Variants in HECTD4 observed in about 807,000 individuals in gnomAD.
HECTD4 encodes HECT domain E3 ubiquitin protein ligase 4.
Under a neutral mutation model 471.5 loss-of-function variants are expected in HECTD4, and 114 were observed. The observed-to-expected ratio is 0.24, with a 90% confidence interval of 0.21 to 0.28. HECTD4 has a LOEUF of 0.28. HECTD4 is among the 10% of genes least tolerant of loss of function. The pLI, the probability that HECTD4 is intolerant of heterozygous loss-of-function variation, is 1.00. For synonymous variants in HECTD4, 2,012 were observed against 2,256.0 expected (o/e 0.89, Z 3.07); for missense variants, 3,866 against 5,651.5 (o/e 0.68, Z 10.13).
intron 1 of HECTD4, among the ~76,000 whole-genome samples, chr12:112,378,659 G>A (rs954100726): frequency 3.9e-5 from 6 of 152,106 alleles, no homozygotes; most frequent in African/African-American, 1.4e-4. Context: ...GTGGAAAATG[G>A]CCATTATTCA....
intron 1 of HECTD4, among the ~76,000 whole-genome samples, chr12:112,336,807 A>G (rs1055464208): frequency 9.2e-4 from 140 of 152,300 alleles, no homozygotes; most frequent in African/African-American, 3.3e-3. Context: ...GAACTTGCTG[A>G]TGGGTACATA....
Position 112,162,262 on chromosome 12 carries a change from G to T in HECTD4, c.*125C>A. 8.8e-7 allele frequency: 1 copy of T among 1,131,256 alleles called. No individual in the cohort carries two copies. The highest frequency in any genetic ancestry group is 1.3e-6 in the Non-Finnish European group (1 of 780,828). The allele number at this position is 1,131,256 out of a possible 1,614,324, so 70.1% of individuals were successfully genotyped here. ...AGGAGGCCCTGGAATGTGGACGAAAGTTTGGAAAAGCAAAATGTTGCCAAC... is the reference window on the plus strand; with the variant it reads ...AGGAGGCCCTGGAATGTGGACGAAATTTTGGAAAAGCAAAATGTTGCCAAC... On this transcript the variant is annotated 3_prime_UTR_variant, in exon 76 of 76. Transcript: ENST00000682272. This position sits in a 1 kb window ranked among gnomAD's most constrained non-coding sequence, Gnocchi z 5.2.
intron 1 of HECTD4, chr12:112,322,029 G>C (rs1566111116): frequency 1.3e-5 from 2 of 151,218 alleles, no homozygotes; most frequent in Non-Finnish European, 2.9e-5. Context: ...CCAGGAGTTC[G>C]AGGCTGTAGT....
rs961174165 is a variant in HECTD4, at chr12:112,162,876, T to C, written c.13120+166A>G. 8.1e-6 allele frequency: 5 copies of C among 615,880 alleles called. No homozygotes were observed. Among genetic ancestry groups the C allele is most frequent in the Non-Finnish European group, 1.4e-5 (5 of 348,450 alleles). The allele number at this position is 615,880 out of a possible 1,614,324, so 38.2% of individuals were successfully genotyped here. A position where few individuals can be genotyped will look rare whatever the true frequency, so the allele number is the denominator to read the frequency against. ...ATGAGAAAGTATCTAACAGCAGGCC[T>C]GTATGGCTGGTTCCTGCCGGGCCCT... On this transcript the variant is annotated intron_variant, in intron 75 of 75. Transcript: ENST00000682272. This position sits in a 1 kb window ranked among gnomAD's most constrained non-coding sequence, Gnocchi z 5.2.
intron 1 of HECTD4, among the ~76,000 whole-genome samples, chr12:112,380,620 C>A (rs942046127): frequency 6.6e-6 from 1 of 152,046 alleles, no homozygotes; most frequent in African/African-American, 2.4e-5. Flanking sequence ...AAATGAGACA[C>A]AATAAAACGA....
Position 112,239,316 on chromosome 12 carries a change from C to A in HECTD4, c.5106-80G>T. Reference sequence around the variant, plus strand: ...AACTCTCATGTGAGGTTCAAAGGGGCATAAAACATGCTGGTGCAGCTCTTT... The same window carrying A: ...AACTCTCATGTGAGGTTCAAAGGGGAATAAAACATGCTGGTGCAGCTCTTT... On this transcript the variant is annotated intron_variant, in intron 33 of 75. Transcript: ENST00000682272. This position sits in a 1 kb window ranked among gnomAD's most constrained non-coding sequence, Gnocchi z 4.9. 8.1e-7 allele frequency: 1 copy of A among 1,239,062 alleles called. No individual in the cohort carries two copies. Among genetic ancestry groups the A allele is most frequent in the Non-Finnish European group, 1.1e-6 (1 of 903,258 alleles). 76.8% of individuals were successfully genotyped at this position (1,239,062 alleles called of 1,614,324 possible). A position where few individuals can be genotyped will look rare whatever the true frequency, so the allele number is the denominator to read the frequency against.
rs143137744 is a variant in HECTD4, at chr12:112,353,028, T to C, written c.177+28924A>G. 8.5e-5 allele frequency among the ~76,000 whole-genome samples: 13 copies of C among 152,346 alleles called. No individual in the cohort carries two copies. In the East Asian group the frequency reaches 2.5e-3, roughly 29 times the overall value. On this transcript the variant is annotated intron_variant, in intron 1 of 75. Coordinates refer to ENST00000682272, the MANE Select transcript of HECTD4 (RefSeq NM_001388303.1). ...GCCAAAAGGCTAGAAGCATCATTGA[T>C]TTCCTGTTAGCAAACATCCATAACA... is the stretch of plus-strand genomic sequence containing the variant.
Position 112,195,000 on chromosome 12 carries a change from G to A in HECTD4, c.8634C>T (p.Phe2878=), listed in dbSNP as rs1168253720. The change falls in exon 56 of 76, where the codon TTC becomes TTT. Residue 2878 remains phenylalanine, a synonymous_variant. Transcript: ENST00000682272. This position sits in a 1 kb window ranked among gnomAD's most constrained non-coding sequence, Gnocchi z 4.6. ...LYCRMALLNI[F]APKLPHLFTR... ...TGAACAAGTGAGGCAACTTCGGGGC[G>A]AAGATATTGAGCAGGGCCATGCGGC... 11 of 1,611,070 alleles carry A rather than the reference G, an allele frequency of 6.8e-6. No homozygotes were observed. Among genetic ancestry groups the A allele is most frequent in the Admixed American group, 1.7e-5 (1 of 59,612 alleles).
chr12:112,372,421 G>A (rs898285087), intron 1 of HECTD4, among the ~76,000 whole-genome samples: 8 of 151,428 alleles, frequency 5.3e-5, no homozygotes, highest in Admixed American at 1.3e-4. Context: ...CACCATGCCC[G>A]GCTAATTTTT....
rs754419594 is a variant in HECTD4, at chr12:112,243,808, G to T, written c.4650-47C>A. The T allele has an allele frequency of 6.2e-7, 1 of 1,609,922 alleles. No individual in the cohort carries two copies. Among genetic ancestry groups the T allele is most frequent in the Non-Finnish European group, 8.5e-7 (1 of 1,176,706 alleles). On this transcript the variant is annotated intron_variant, in intron 30 of 75. Transcript: ENST00000682272. The surrounding 1 kb of genome is among the most constrained non-coding windows in gnomAD (Gnocchi z 6.6). ...CTGGCAAGACGAGAAACACACTCAG[G>T]GAGCTTGTTTTGATGAATGCATTCA...
At chr12:112,330,881 A>C (rs534251530) in intron 1 of HECTD4, among the ~76,000 whole-genome samples, 97 of 152,330 alleles carry the variant, frequency 6.4e-4, no homozygotes, top group African/African-American at 2.3e-3. Flanking sequence ...AATTAGATGA[A>C]GAAAATACAT....
intron 1 of HECTD4, among the ~76,000 whole-genome samples, chr12:112,345,688 G>C (rs958450189): frequency 3.9e-5 from 6 of 152,144 alleles, no homozygotes; most frequent in Non-Finnish European, 8.8e-5. Flanking sequence ...GAGGTCAGGA[G>C]ATCAAGACCA....
intron 9 of HECTD4, among the ~76,000 whole-genome samples, chr12:112,277,010 T>C (rs887665178): frequency 1.3e-5 from 2 of 152,204 alleles, no homozygotes; most frequent in Non-Finnish European, 2.9e-5. Flanking sequence ...TATGGCCACT[T>C]TGGGAAACAG....
intron 1 of HECTD4, among the ~76,000 whole-genome samples, chr12:112,331,844 G>C (rs537197336): frequency 2.0e-5 from 3 of 152,152 alleles, no homozygotes; most frequent in Non-Finnish European, 2.9e-5. Context: ...TAGAATTCCA[G>C]TGTCAGGGAC....
intron 1 of HECTD4, among the ~76,000 whole-genome samples, chr12:112,362,097 A>G (rs2036461043): frequency 6.6e-6 from 1 of 152,170 alleles, no homozygotes; most frequent in Non-Finnish European, 1.5e-5. Flanking sequence ...TTGCAACCAG[A>G]GGGCCTTTGA....
At chr12:112,236,867 A>AACC in intron 35 of HECTD4, 78 bp downstream of exon 35, 1 of 1,332,626 alleles carries the variant, frequency 7.5e-7, no homozygotes, top group Non-Finnish European at 9.8e-7. Context: ...TTGAAAAGAC[A>AACC]ACCACCACCA....
Position 112,193,814 on chromosome 12 carries a change from A to G in HECTD4, c.8750-140T>C. ...CTGGATATGATGTCCTGGATAACAG[A>G]TGCCGGCAATCAGATCCTCTGCACC... On this transcript the variant is annotated intron_variant, in intron 56 of 75. Transcript: ENST00000682272. This position sits in a 1 kb window ranked among gnomAD's most constrained non-coding sequence, Gnocchi z 5.2. 1.4e-6 allele frequency: 1 copy of G among 718,180 alleles called. No homozygotes were observed. The highest frequency in any genetic ancestry group is 2.4e-6 in the Non-Finnish European group (1 of 421,896). The allele number at this position is 718,180 out of a possible 1,614,324, so 44.5% of individuals were successfully genotyped here.
At chr12:112,224,997 T>C (rs1042927919) in intron 44 of HECTD4, among the ~76,000 whole-genome samples, 11 of 151,828 alleles carry the variant, frequency 7.2e-5, no homozygotes, top group African/African-American at 2.7e-4. Context: ...CTACTAAGAG[T>C]ACAAAACGAA....
intron 34 of HECTD4, among the ~76,000 whole-genome samples, chr12:112,237,335 A>G (rs866302607): frequency 6.6e-6 from 1 of 152,222 alleles, no homozygotes; most frequent in Non-Finnish European, 1.5e-5. Flanking sequence ...TAATTCATAC[A>G]TAACCAAAGA....
Sources: gnomAD v4.1 joint callset for allele counts (sites outside exome capture counted in the v4.1 genomes callset) on GRCh38, gnomAD v4.1.1 for gene constraint, Gnocchi (gnomAD v3.1) non-coding constraint, MANE v1.5 for transcripts, NCBI Gene and HGNC (gene_info 2026-07-23, HGNC 2026-07-21) for gene names.